The following OPHN1 variants were observed in gnomAD, a reference collection of about 807,000 sequenced individuals.
The protein encoded by OPHN1 is oligophrenin-1.
OPHN1 carries 11 observed loss-of-function variants against 60.7 expected under a neutral mutation model. The ratio of observed to expected loss-of-function variants is 0.18; its 90% CI spans 0.11 to 0.30. The LOEUF (loss-of-function observed/expected upper bound fraction) is 0.30. Ranked by LOEUF, OPHN1 falls within the 10% of genes least tolerant of loss-of-function variation. The pLI is 1.00. For synonymous variants in OPHN1, 226 were observed against 222.6 expected, an observed-to-expected ratio of 1.02 and a Z score of -0.14; for missense variants, 449 against 611.0, an observed-to-expected ratio of 0.73 and a Z score of 2.80.
At chrX:68,312,399 T>C (rs1404135764) in intron 2 of OPHN1, among the ~76,000 whole-genome samples, 2 of 108,183 alleles carry the variant, frequency 1.8e-5, no homozygotes, top group South Asian at 4.1e-4. Flanking sequence ...TCCCGGCCAA[T>C]AACTCACTCT....
At chrX:68,052,496 T>C (rs1191569595) in intron 23 of OPHN1, 44 bp downstream of exon 23, 1 of 1,136,400 alleles carries the variant, frequency 8.8e-7, no homozygotes, top group Non-Finnish European at 1.2e-6. Context: ...GATGCAGTTA[T>C]TAAAAGGCGA....
At chrX:68,169,986 G>A (rs1483989709) in intron 15 of OPHN1, among the ~76,000 whole-genome samples, 5,048 of 107,948 alleles carry the variant, frequency 0.047, 370 homozygotes, top group African/African-American at 0.17. Context: ...CCATCAGAGC[G>A]AACAGGCAAC....
chrX:68,308,835 AG>A (rs1317676049), intron 2 of OPHN1, among the ~76,000 whole-genome samples: 8 of 109,562 alleles, frequency 7.3e-5, no homozygotes, highest in African/African-American at 2.3e-4. Flanking sequence ...GCTGGAGTGC[AG>A]TGGCATGATC....
chrX:68,272,754 G>A (rs1013773199), intron 5 of OPHN1, among the ~76,000 whole-genome samples: 1 of 111,830 alleles, frequency 8.9e-6, no homozygotes, highest in Admixed American at 9.5e-5. Context: ...ATTAGGCGAC[G>A]CATGACTGCA....
intron 2 of OPHN1, among the ~76,000 whole-genome samples, chrX:68,367,138 T>C (rs2078503074): frequency 9.1e-6 from 1 of 110,000 alleles, no homozygotes; most frequent in Non-Finnish European, 1.9e-5. Flanking sequence ...AGCAGGCAGA[T>C]CACTTGAGGT....
chrX:68,322,539 C>T (rs2078240595), intron 2 of OPHN1, among the ~76,000 whole-genome samples: 1 of 111,634 alleles, frequency 9.0e-6, no homozygotes, highest in Admixed American at 9.6e-5. Context: ...GTAATCCCAG[C>T]ATTTTGGGGG....
At chrX:68,319,071 T>A (rs2078222977) in intron 2 of OPHN1, among the ~76,000 whole-genome samples, 1 of 111,868 alleles carries the variant, frequency 8.9e-6, no homozygotes, top group Non-Finnish European at 1.9e-5. Context: ...CAAATTACTC[T>A]TTCTTTCCTC....
chrX:68,053,868 T>A, intron 21 of OPHN1, 58 bp from the exon 22 acceptor site: 2 of 1,150,768 alleles, frequency 1.7e-6, no homozygotes, highest in East Asian at 3.0e-5. Flanking sequence ...ACACTACTCA[T>A]GAGCAGGCAC....
At chrX:68,080,582 G>A (rs749003808) in intron 19 of OPHN1, among the ~76,000 whole-genome samples, 16 of 111,890 alleles carry the variant, frequency 1.4e-4, no homozygotes, top group Non-Finnish European at 9.4e-5. Context: ...AAAGCCTCTG[G>A]GTCATGCTTT....
At chrX:68,359,816 A>G (rs1474689890) in intron 2 of OPHN1, among the ~76,000 whole-genome samples, 1 of 96,729 alleles carries the variant, frequency 1.0e-5, no homozygotes, top group Non-Finnish European at 2.0e-5. Flanking sequence ...AGATCGTGCC[A>G]CTGCACTCCA....
At chrX:68,350,692 T>A in intron 2 of OPHN1, among the ~76,000 whole-genome samples, 1 of 103,238 alleles carries the variant, frequency 9.7e-6, no homozygotes, top group Middle Eastern at 4.9e-3. Context: ...AATTTTTAAA[T>A]TTTTTATAGA....
At chrX:68,054,511 G>A (rs955329414) in intron 21 of OPHN1, among the ~76,000 whole-genome samples, 1 of 110,350 alleles carries the variant, frequency 9.1e-6, no homozygotes, top group Non-Finnish European at 1.9e-5. Flanking sequence ...CGTTGATCCA[G>A]TAATTTTGCT....
chrX:68,229,525 A>T (rs1425372940), intron 6 of OPHN1, among the ~76,000 whole-genome samples: 1 of 111,824 alleles, frequency 8.9e-6, no homozygotes, highest in Non-Finnish European at 1.9e-5. Context: ...CTACAAGGCT[A>T]CAGTAACCAA....
intron 2 of OPHN1, among the ~76,000 whole-genome samples, chrX:68,317,422 A>AGGAAGGAAGGAAGGAAGGAG (rs1569278228): frequency 2.2e-5 from 2 of 89,911 alleles, no homozygotes; most frequent in African/African-American, 9.1e-5. Flanking sequence ...GAAGGAAGGA[A>AGGAAGGAAGGAAGGAAGGAG]GGAGCGAGGG....
At chrX:68,178,102 G>A (rs933566112) in intron 15 of OPHN1, among the ~76,000 whole-genome samples, 1 of 111,806 alleles carries the variant, frequency 8.9e-6, no homozygotes, top group African/African-American at 3.2e-5. Flanking sequence ...GGTAGGTTTT[G>A]TTTTCCTATG....
intron 15 of OPHN1, among the ~76,000 whole-genome samples, chrX:68,152,032 T>A (rs2077287218): frequency 9.1e-6 from 1 of 110,332 alleles, no homozygotes; most frequent in African/African-American, 3.3e-5. Flanking sequence ...AACAACCAGA[T>A]CTTGCGAGGA....
chrX:68,168,180 C>A (rs899579112), intron 15 of OPHN1, among the ~76,000 whole-genome samples: 5 of 110,772 alleles, frequency 4.5e-5, no homozygotes, highest in Non-Finnish European at 9.5e-5. Flanking sequence ...AACTCTCCAC[C>A]CCAAATCAAC....
rs749754510 is a variant in OPHN1, at chrX:68,053,562, T to C, written c.2324+83A>G. The C allele has an allele frequency of 1.3e-5, 13 of 1,000,171 alleles. No homozygotes were observed. In the African/African-American group the frequency reaches 1.3e-4, roughly 10 times the overall value. 82.4% of individuals were successfully genotyped at this position (1,000,171 alleles called of 1,213,427 possible). A position where few individuals can be genotyped will look rare whatever the true frequency, so the allele number is the denominator to read the frequency against. ...GGATGCCCCAGGGCTGTGCACTGTA[T>C]ACCCTTAATATGGTGATCCTGAAAG... On this transcript the variant is annotated intron_variant, in intron 22 of 24. Transcript: ENST00000355520.
chrX:68,062,733 C>G (rs1031989594), intron 21 of OPHN1, among the ~76,000 whole-genome samples: 1 of 112,366 alleles, frequency 8.9e-6, no homozygotes, highest in Non-Finnish European at 1.9e-5. Flanking sequence ...TTCCTTAAAG[C>G]TACAAAGTAA....
Sources: allele counts gnomAD v4.1 joint callset (sites outside exome capture counted in the v4.1 genomes callset), GRCh38; gene constraint gnomAD v4.1.1; transcripts MANE v1.5; gene names NCBI Gene and HGNC (gene_info 2026-07-23, HGNC 2026-07-21).